Variants in MLPH observed in about 807,000 individuals in gnomAD.
The protein encoded by MLPH is melanophilin, also known as exophilin-3.
In MLPH, 51 loss-of-function variants were observed where a neutral mutation model predicts 72.1. The observed-to-expected ratio is 0.71, with a 90% CI of 0.56 to 0.89. The LOEUF is 0.89. MLPH is among the 40% of genes least tolerant of loss of function. The pLI, the probability that MLPH is intolerant of heterozygous loss-of-function variation, is 0.00. For synonymous variants in MLPH, 301 were observed against 310.1 expected, an observed-to-expected ratio of 0.97 and a Z score of 0.31; for missense variants, 743 against 759.9, an observed-to-expected ratio of 0.98 and a Z score of 0.26.
At chr2:237,540,116 G>A (rs901315507) in intron 9 of MLPH, among the ~76,000 whole-genome samples, 5 of 152,268 alleles carry the variant, frequency 3.3e-5, no homozygotes, top group African/African-American at 9.6e-5. Flanking sequence ...AGATAGCCAG[G>A]GGTGGTGGTC....
intron 14 of MLPH, among the ~76,000 whole-genome samples, chr2:237,549,788 C>T (rs1017690834): frequency 4.6e-5 from 7 of 152,130 alleles, no homozygotes; most frequent in Admixed American, 1.3e-4. Context: ...TTCAGAGTCC[C>T]GTCCCTCTGC....
At chr2:237,539,929 C>T (rs2080630200) in intron 9 of MLPH, among the ~76,000 whole-genome samples, 1 of 152,162 alleles carries the variant, frequency 6.6e-6, no homozygotes, top group Non-Finnish European at 1.5e-5. Flanking sequence ...AAGAGCCCAG[C>T]CCCTGAAGCT....
chr2:237,493,213 A>G (rs2079463031), intron 1 of MLPH, among the ~76,000 whole-genome samples, 190 bp from the exon 2 acceptor site: 1 of 152,202 alleles, frequency 6.6e-6, no homozygotes. Flanking sequence ...GAATGTGGGA[A>G]TTTTGCATAG....
At chr2:237,498,305 T>C (rs1222820341) in intron 2 of MLPH, among the ~76,000 whole-genome samples, 1 of 152,236 alleles carries the variant, frequency 6.6e-6, no homozygotes, top group Admixed American at 6.5e-5. Flanking sequence ...TCAGATGGAT[T>C]CCTGCTCAGT....
At chr2:237,535,140 AC>A (rs2080505168) in intron 9 of MLPH, among the ~76,000 whole-genome samples, 1 of 152,176 alleles carries the variant, frequency 6.6e-6, no homozygotes. Flanking sequence ...GAAGTCTAGG[AC>A]CAAGGGGTGG....
At chr2:237,522,816 C>T (rs1341976086) in intron 6 of MLPH, among the ~76,000 whole-genome samples, 2 of 152,154 alleles carry the variant, frequency 1.3e-5, no homozygotes, top group Non-Finnish European at 2.9e-5. Context: ...TTGACATTCT[C>T]AGTGTTGGAG....
chr2:237,553,773 G>A lies in MLPH; in HGVS notation c.*181G>A. 7.1e-6 allele frequency: 6 copies of A among 849,762 alleles called. No individual in the cohort carries two copies. The highest frequency in any genetic ancestry group is 1.2e-5 in the Non-Finnish European group (6 of 488,710). The allele number at this position is 849,762 out of a possible 1,614,324, so 52.6% of individuals were successfully genotyped here. On this transcript the variant is annotated 3_prime_UTR_variant, in exon 16 of 16. Transcript: ENST00000264605. ...GGACAGCGACATTCAGTCCTGCACTGCTCACCTGGGTTTACTGATGACTCC... is the reference window on the plus strand; with the variant it reads ...GGACAGCGACATTCAGTCCTGCACTACTCACCTGGGTTTACTGATGACTCC...
intron 5 of MLPH, 103 bp downstream of exon 5, chr2:237,518,751 C>T: frequency 2.4e-6 from 2 of 842,842 alleles, no homozygotes; most frequent in Non-Finnish European, 4.0e-6. Context: ...CTCTCCACAA[C>T]TCCACTAGTT....
At chr2:237,499,872 G>A (rs2079610596) in intron 2 of MLPH, among the ~76,000 whole-genome samples, 1 of 152,056 alleles carries the variant, frequency 6.6e-6, no homozygotes, top group South Asian at 2.1e-4. Context: ...AGTCTCCTGA[G>A]AAGCTGAGAC....
At chr2:237,550,489 T>C (rs1266798714) in intron 14 of MLPH, among the ~76,000 whole-genome samples, 1 of 152,206 alleles carries the variant, frequency 6.6e-6, no homozygotes, top group Non-Finnish European at 1.5e-5. Context: ...GAGAGCCATG[T>C]GCTGGCTCTG....
chr2:237,553,955 A>T lies in MLPH; in HGVS notation c.*363A>T. ...CTCTTGGCTTTCTTATGTTGCTTTC[A>T]TGAATGGAATGGAAAAAAGATGACT... On this transcript the variant is annotated 3_prime_UTR_variant, in exon 16 of 16. Transcript: ENST00000264605. 1 of 404,230 alleles carries T rather than the reference A, an allele frequency of 2.5e-6. No individual in the cohort carries two copies. Among genetic ancestry groups the T allele is most frequent in the Non-Finnish European group, 4.7e-6 (1 of 211,870 alleles). The allele number at this position is 404,230 out of a possible 1,614,324, so 25.0% of individuals were successfully genotyped here. A position where few individuals can be genotyped will look rare whatever the true frequency, so the allele number is the denominator to read the frequency against.
At chr2:237,545,614 C>T (rs1005558512) in intron 12 of MLPH, 42 of 1,286,140 alleles carry the variant, frequency 3.3e-5, no homozygotes, top group Admixed American at 6.9e-5. Context: ...GAACGGAGGG[C>T]GCGGGAGGCT....
At chr2:237,550,118 C>T (rs979281794) in intron 14 of MLPH, among the ~76,000 whole-genome samples, 15 of 152,340 alleles carry the variant, frequency 9.8e-5, no homozygotes, top group Middle Eastern at 3.4e-3. Context: ...GGTTTCAGAG[C>T]GCACCAAGCA....
intron 9 of MLPH, among the ~76,000 whole-genome samples, chr2:237,538,681 A>T (rs1223434292): frequency 1.3e-5 from 2 of 152,218 alleles, no homozygotes; most frequent in Non-Finnish European, 2.9e-5. Flanking sequence ...ACACACACAC[A>T]AAAAGACAGG....
In MLPH at chr2:237,505,732, A is replaced by G. The variant is rs1468461609; in HGVS notation, c.111-4842A>G. Among the ~76,000 whole-genome samples, 1 of 152,162 alleles carries G rather than the reference A, an allele frequency of 6.6e-6. No homozygotes were observed. Among genetic ancestry groups the G allele is most frequent in the Admixed American group, 6.5e-5 (1 of 15,280 alleles). ...GGCCTTTCCTTCCTGTTCCCGTCCT[A>G]GAAGCGTTTTCCTTCCCTGGTATAC... On this transcript the variant is annotated intron_variant, in intron 2 of 15. Transcript: ENST00000264605. This position sits in a 1 kb window ranked among gnomAD's most constrained non-coding sequence, Gnocchi z 4.5.
intron 8 of MLPH, among the ~76,000 whole-genome samples, chr2:237,528,023 A>G (rs1251472621): frequency 6.6e-6 from 1 of 152,210 alleles, no homozygotes; most frequent in African/African-American, 2.4e-5. Flanking sequence ...GAAATAAACC[A>G]GTCACTCTGG....
intron 9 of MLPH, among the ~76,000 whole-genome samples, chr2:237,536,867 G>A (rs562524320): frequency 6.6e-6 from 1 of 152,340 alleles, no homozygotes; most frequent in South Asian, 2.1e-4. Context: ...GAGGGAAAGG[G>A]CAGCCACCCT....
chr2:237,535,004 C>T (rs1016022457), intron 9 of MLPH, among the ~76,000 whole-genome samples: 1 of 152,186 alleles, frequency 6.6e-6, no homozygotes, highest in African/African-American at 2.4e-5. Flanking sequence ...AATCTCCTTC[C>T]GCACCATGTT....
At chr2:237,532,434 G>T (rs1303795410) in intron 8 of MLPH, among the ~76,000 whole-genome samples, 1 of 152,214 alleles carries the variant, frequency 6.6e-6, no homozygotes, top group Non-Finnish European at 1.5e-5. Context: ...GATGGGAGAC[G>T]GGAGAGGAAA....
Sources: allele counts gnomAD v4.1 joint callset (sites outside exome capture counted in the v4.1 genomes callset), GRCh38; gene constraint gnomAD v4.1.1; non-coding constraint Gnocchi (gnomAD v3.1); transcripts MANE v1.5; gene names NCBI Gene and HGNC (gene_info 2026-07-23, HGNC 2026-07-21).